Variants in CALHM4 observed in about 807,000 individuals in gnomAD.
The protein encoded by CALHM4 is calcium homeostasis modulator protein 4.
In CALHM4, 16 loss-of-function variants were observed where a neutral mutation model predicts 13.3. The observed-to-expected ratio is 1.20, with a 90% CI of 0.81 to 1.82. The LOEUF is 1.82. Ranked by LOEUF, CALHM4 falls within the 40% of genes most tolerant of loss-of-function variation. The pLI is 0.00. For missense variants in CALHM4, 344 were observed against 374.9 expected (o/e 0.92, Z 0.68); for synonymous variants, 127 against 137.1 (o/e 0.93, Z 0.52).
rs750569216 is a variant in CALHM4 at position 116,543,296 on chromosome 6, C to CACTTTT, written c.-108-465_-108-464insTTACTT. 21 of 1,541,690 alleles carry CACTTTT rather than the reference C, an allele frequency of 1.4e-5. No individual in the cohort carries two copies. In the South Asian group the frequency reaches 2.0e-4, roughly 15 times the overall value. On this transcript the variant is annotated intron_variant, in intron 1 of 2. Transcript: ENST00000368597. ...CCATTCAATAAGAATGAAGGACTTC[C>CACTTTT]ACTTACATTTTATCTAAATATTGGT...
At chr6:116,532,045 T>C (rs890530712) in intron 1 of CALHM4, among the ~76,000 whole-genome samples, 5 of 152,180 alleles carry the variant, frequency 3.3e-5, no homozygotes, top group Admixed American at 6.5e-5. Flanking sequence ...GGATTTGTTA[T>C]TGTGAACAAC....
chr6:116,547,906 G>A (rs1333914972), intron 2 of CALHM4, among the ~76,000 whole-genome samples: 2 of 152,202 alleles, frequency 1.3e-5, no homozygotes, highest in Non-Finnish European at 2.9e-5. Context: ...AGTAAATGGT[G>A]AATTGAGCTA....
rs1375951585 is a variant in CALHM4, at chr6:116,557,047, C to T, written c.559-778C>T. 4.1e-5 allele frequency among the ~76,000 whole-genome samples: 6 copies of T among 147,378 alleles called. No homozygotes were observed. In the East Asian group the frequency reaches 1.2e-3, roughly 30 times the overall value. On this transcript the variant is annotated intron_variant, in intron 1 of 1. Transcript: ENST00000368596. The stretch of plus-strand genomic sequence containing the variant: ...CTGCCTTCTGGGTTCAAGAAGTTCT[C>T]GTGCCTCAGCCTCCCGAGTAGCTAG...
chr6:116,543,794 A>G, exon 2 of CALHM4: 1 of 1,530,616 alleles, frequency 6.5e-7, no homozygotes, highest in Non-Finnish European at 8.7e-7. Flanking sequence ...AAGACTTCTC[A>G]GGCGTCTGCA....
At chr6:116,552,952 T>C (rs551247684), upstream of CALHM4, among the ~76,000 whole-genome samples, 4 of 152,200 alleles carry the variant, frequency 2.6e-5, no homozygotes, top group Admixed American at 6.5e-5. Flanking sequence ...CGGGCGCCTG[T>C]AGTCCCAGCT....
chr6:116,557,615 C>G (rs946779986), intron 1 of CALHM4, among the ~76,000 whole-genome samples: 1 of 152,134 alleles, frequency 6.6e-6, no homozygotes, highest in Non-Finnish European at 1.5e-5. Context: ...AACTCAAAAA[C>G]GAAGTTGAAA....
chr6:116,540,223 G>T (rs1017651565), intron 1 of CALHM4: 2 of 763,204 alleles, frequency 2.6e-6, no homozygotes, highest in Non-Finnish European at 4.2e-6. Flanking sequence ...GAAATAAAAT[G>T]CTTTTCAATC....
chr6:116,541,744 A>G (rs1001705418), intron 1 of CALHM4, among the ~76,000 whole-genome samples: 7 of 152,182 alleles, frequency 4.6e-5, no homozygotes, highest in Non-Finnish European at 1.0e-4. Context: ...AGTGTTTTCT[A>G]ATTCTCACTT....
intron 1 of CALHM4, among the ~76,000 whole-genome samples, chr6:116,542,985 C>G (rs557409964): frequency 1.3e-5 from 2 of 152,104 alleles, no homozygotes; most frequent in African/African-American, 4.8e-5. Flanking sequence ...TTGATGTTCC[C>G]TCATGTTGTT....
chr6:116,550,291 T>G (rs72961125), upstream of CALHM4, among the ~76,000 whole-genome samples: 2 of 151,896 alleles, frequency 1.3e-5, no homozygotes, highest in Non-Finnish European at 1.5e-5. Flanking sequence ...ATGACTCTAT[T>G]TTTCAGTGAC....
At chr6:116,542,298 C>CA (rs548026128) in intron 1 of CALHM4, among the ~76,000 whole-genome samples, 13 of 149,458 alleles carry the variant, frequency 8.7e-5, no homozygotes, top group Non-Finnish European at 1.5e-4. Context: ...GTAGAAATTC[C>CA]AAAAAAAAGT....
intron 2 of CALHM4, among the ~76,000 whole-genome samples, chr6:116,544,661 C>G (rs1016909866): frequency 1.3e-5 from 2 of 152,042 alleles, no homozygotes; most frequent in Non-Finnish European, 2.9e-5. Flanking sequence ...ATAATATGAA[C>G]TATGTACCAT....
At chr6:116,532,363 G>C (rs569849216) in intron 1 of CALHM4, among the ~76,000 whole-genome samples, 1 of 152,164 alleles carries the variant, frequency 6.6e-6, no homozygotes, top group Non-Finnish European at 1.5e-5. Flanking sequence ...TTGCCTCCCT[G>C]AGAGAGGGAA....
chr6:116,529,896 C>T lies in CALHM4; in HGVS notation c.-109+706C>T, dbSNP rs367814651. On this transcript the variant is annotated intron_variant, in intron 1 of 2. Coordinates refer to the CALHM4 transcript ENST00000368597. ...AAGTTGTGTGTAAGAGGAGTGTGTG[C>T]GGAAGAGGGTTGAGGAATGGAAAGC... is the stretch of plus-strand genomic sequence containing the variant. Among the ~76,000 whole-genome samples the T allele has an allele frequency of 2.9e-3, 435 of 152,038 alleles. 18 individuals are homozygous for T. The South Asian group carries it at 0.064, about 22-fold the overall frequency.
intron 2 of CALHM4, chr6:116,545,501 G>A: frequency 6.5e-7 from 1 of 1,548,218 alleles, no homozygotes; most frequent in Non-Finnish European, 8.7e-7. Context: ...TCTTCGGTGT[G>A]CAGGGCGAGA....
chr6:116,552,968 C>G (rs987602535), upstream of CALHM4, among the ~76,000 whole-genome samples: 1 of 151,928 alleles, frequency 6.6e-6, no homozygotes, highest in Non-Finnish European at 1.5e-5. Flanking sequence ...CAGCTACTCA[C>G]GAGGCTGAGG....
chr6:116,557,184 T>C (rs150742965), intron 1 of CALHM4, among the ~76,000 whole-genome samples: 1 of 152,238 alleles, frequency 6.6e-6, no homozygotes, highest in East Asian at 1.9e-4. Flanking sequence ...GTGATCCGCC[T>C]GCCTGACCTC....
chr6:116,558,071 T>G lies in CALHM4; in HGVS notation c.805T>G (p.Cys269Gly), dbSNP rs745656482. The G allele has an allele frequency of 1.4e-5, 22 of 1,614,068 alleles. No individual in the cohort carries two copies. In the East Asian group the frequency reaches 4.9e-4, roughly 36 times the overall value. Reference sequence around the variant, plus strand: ...CGTCAAACACATCCGCATTCCTTCTTGTCAGGACTGGAAAGATATTTCAGT... The same window carrying G: ...CGTCAAACACATCCGCATTCCTTCTGGTCAGGACTGGAAAGATATTTCAGT... Reference protein sequence around the residue: ...EDVKHIRIPSCQDWKDISVPT... With the variant: ...EDVKHIRIPSGQDWKDISVPT... Residue 269 changes from cysteine to glycine, a missense_variant, in exon 2 of 2, where the codon TGT becomes GGT. Coordinates refer to ENST00000368596, the MANE Select transcript of CALHM4 (RefSeq NM_001366078.2).
chr6:116,536,496 A>T (rs1240567031), intron 1 of CALHM4, among the ~76,000 whole-genome samples: 1 of 152,224 alleles, frequency 6.6e-6, no homozygotes, highest in Non-Finnish European at 1.5e-5. Context: ...TGCTGAGTGC[A>T]GTGTAAGTTC....
Sources: allele counts gnomAD v4.1 joint callset (sites outside exome capture counted in the v4.1 genomes callset), GRCh38; gene constraint gnomAD v4.1.1; transcripts MANE v1.5; gene names NCBI Gene and HGNC (gene_info 2026-07-23, HGNC 2026-07-21).